FAT3: variants seen among roughly 807,000 people sequenced by gnomAD.
FAT3 encodes the protein FAT atypical cadherin 3.
Under a neutral mutation model 310.2 loss-of-function variants are expected in FAT3, and 95 were observed. That is an observed-to-expected ratio of 0.31 (90% confidence interval 0.26 to 0.36). FAT3 has a LOEUF of 0.36. Among genes scored for constraint, FAT3 ranks in the 10% least tolerant of loss-of-function variants. FAT3 has a pLI of 1.00. For synonymous variants in FAT3, 2,314 were observed against 2,192.9 expected (o/e 1.06, Z -1.54); for missense variants, 5,408 against 5,715.6 (o/e 0.95, Z 1.74).
At chr11:92,737,660 A>G (rs1164094902) in intron 4 of FAT3, among the ~76,000 whole-genome samples, 1 of 152,162 alleles carries the variant, frequency 6.6e-6, no homozygotes, top group Non-Finnish European at 1.5e-5. Context: ...TAATTTTTAC[A>G]TAGAATTACT....
intron 19 of FAT3, among the ~76,000 whole-genome samples, chr11:92,854,284 G>A (rs1948912803): frequency 6.6e-6 from 1 of 152,204 alleles, no homozygotes. Context: ...GCACTTCTGA[G>A]CTTGCAGGGG....
chr11:92,715,375 T>C (rs1363349102), intron 4 of FAT3, among the ~76,000 whole-genome samples: 1 of 151,818 alleles, frequency 6.6e-6, no homozygotes, highest in East Asian at 1.9e-4. Flanking sequence ...ACCACTGCAC[T>C]GCAGCCTGGG....
At chr11:92,506,639 A>G (rs1327837888) in intron 2 of FAT3, among the ~76,000 whole-genome samples, 1 of 152,172 alleles carries the variant, frequency 6.6e-6, no homozygotes, top group Non-Finnish European at 1.5e-5. Flanking sequence ...CAAGTTCCTA[A>G]TATAGTTGTT....
At chr11:92,324,361 T>C (rs538214307) in intron 1 of FAT3, among the ~76,000 whole-genome samples, 10 of 152,350 alleles carry the variant, frequency 6.6e-5, no homozygotes, top group Admixed American at 3.9e-4. Flanking sequence ...GAGAGATGTG[T>C]GACTCTTCCT....
intron 2 of FAT3, among the ~76,000 whole-genome samples, chr11:92,423,409 G>C (rs990079290): frequency 6.6e-6 from 1 of 152,106 alleles, no homozygotes; most frequent in Non-Finnish European, 1.5e-5. Context: ...GAAAAACAAG[G>C]GTGAAAGGAA....
Position 92,867,043 on chromosome 11 carries a change from C to T in FAT3, c.11961C>T (p.Asp3987=). Residue 3987 remains aspartate, a synonymous_variant, in exon 22 of 28, where the codon GAC becomes GAT. Coordinates refer to ENST00000525166, the MANE Select transcript of FAT3 (RefSeq NM_001367949.2). ...TCAGCGGCTTCCAGGGCTGCCTGGA[C>T]TCGGTGATACTGAATAACAATGAGC... is the stretch of plus-strand genomic sequence containing the variant. ...QVLSGFQGCL[D]SVILNNNELP... The T allele has an allele frequency of 6.3e-7, 1 of 1,588,756 alleles. No individual in the cohort carries two copies. The highest frequency in any genetic ancestry group is 8.6e-7 in the Non-Finnish European group (1 of 1,167,576).
At chr11:92,788,784 G>T (rs1239314732) in intron 7 of FAT3, among the ~76,000 whole-genome samples, 1 of 152,114 alleles carries the variant, frequency 6.6e-6, no homozygotes, top group Admixed American at 6.6e-5. Context: ...CAAAACCACA[G>T]CGATGCTATG....
intron 3 of FAT3, among the ~76,000 whole-genome samples, chr11:92,658,322 T>TG (rs1234247117): frequency 6.6e-6 from 1 of 152,216 alleles, no homozygotes; most frequent in African/African-American, 2.4e-5. Flanking sequence ...TTTGAACTAT[T>TG]TAAAATTAAG....
intron 1 of FAT3, among the ~76,000 whole-genome samples, chr11:92,260,738 G>A (rs767082561): frequency 2.6e-5 from 4 of 152,010 alleles, no homozygotes; most frequent in South Asian, 2.1e-4. Context: ...ACACAGTGTC[G>A]TTACCATCTT....
At chr11:92,395,856 G>A (rs1207341666) in intron 2 of FAT3, among the ~76,000 whole-genome samples, 2 of 152,160 alleles carry the variant, frequency 1.3e-5, no homozygotes, top group Non-Finnish European at 2.9e-5. Context: ...TGGGATTACA[G>A]GCATCAGCCA....
At chr11:92,555,634 C>T (rs937783450) in intron 3 of FAT3, among the ~76,000 whole-genome samples, 3 of 152,186 alleles carry the variant, frequency 2.0e-5, no homozygotes, top group Admixed American at 6.5e-5. Flanking sequence ...CCCCTTTGTG[C>T]CTTGTGTCTG....
chr11:92,336,756 A>G (rs889748120), intron 1 of FAT3, among the ~76,000 whole-genome samples: 7 of 152,202 alleles, frequency 4.6e-5, no homozygotes, highest in African/African-American at 1.7e-4. Flanking sequence ...ACTATCAGAT[A>G]ATTTTTCTTG....
chr11:92,448,903 T>C lies in FAT3; in HGVS notation c.3293-75731T>C, dbSNP rs184051566. Among the ~76,000 whole-genome samples the C allele has an allele frequency of 7.5e-4, 114 of 152,318 alleles. 1 individual carries two copies. Among genetic ancestry groups the C allele is most frequent in the Admixed American group, 2.2e-3 (33 of 15,292 alleles). Reference sequence around the variant, plus strand: ...AATATGCTACAAGGCTCACAGATGTTGTTATCCAGGAAATTCCAAAGGGCA... The same window carrying C: ...AATATGCTACAAGGCTCACAGATGTCGTTATCCAGGAAATTCCAAAGGGCA... On this transcript the variant is annotated intron_variant, in intron 2 of 27. Transcript: ENST00000525166.
At chr11:92,591,979 A>G (rs1939447372) in intron 3 of FAT3, among the ~76,000 whole-genome samples, 1 of 152,180 alleles carries the variant, frequency 6.6e-6, no homozygotes, top group East Asian at 1.9e-4. Flanking sequence ...TCAAAACCCA[A>G]AACACTGTAT....
At chr11:92,693,256 A>G (rs1943846206) in intron 3 of FAT3, among the ~76,000 whole-genome samples, 1 of 152,208 alleles carries the variant, frequency 6.6e-6, no homozygotes, top group Non-Finnish European at 1.5e-5. Flanking sequence ...GTGTTTGTTT[A>G]TATCTCCAAA....
intron 2 of FAT3, chr11:92,498,611 TG>T: frequency 6.5e-6 from 1 of 153,328 alleles, no homozygotes; most frequent in Non-Finnish European, 1.5e-5. Flanking sequence ...AAACACATTT[TG>T]TCATGGGCAA....
intron 7 of FAT3, among the ~76,000 whole-genome samples, chr11:92,775,288 G>A (rs1946571221): frequency 2.6e-5 from 4 of 152,140 alleles, no homozygotes; most frequent in South Asian, 2.1e-4. Context: ...AAAGGAGAGA[G>A]GATGAATATT....
intron 1 of FAT3, among the ~76,000 whole-genome samples, chr11:92,268,378 C>T (rs1376720277): frequency 6.6e-6 from 1 of 151,952 alleles, no homozygotes; most frequent in Non-Finnish European, 1.5e-5. Context: ...CCTTAACTTC[C>T]CTAAACAGAG....
At chr11:92,847,545 C>T (rs1167307521) in intron 19 of FAT3, among the ~76,000 whole-genome samples, 1 of 152,166 alleles carries the variant, frequency 6.6e-6, no homozygotes, top group African/African-American at 2.4e-5. Flanking sequence ...AATACAATCC[C>T]AGTAAGGCAG....
Sources: gnomAD v4.1 joint callset for allele counts (sites outside exome capture counted in the v4.1 genomes callset) on GRCh38, gnomAD v4.1.1 for gene constraint, MANE v1.5 for transcripts, NCBI Gene and HGNC (gene_info 2026-07-23, HGNC 2026-07-21) for gene names.